Variants in PRELID2 observed in about 807,000 individuals in gnomAD.
PRELID2 encodes PRELI domain containing 2, also known as PRELI domain-containing protein 2.
Under a neutral mutation model 28.4 loss-of-function variants are expected in PRELID2, and 25 were observed. That is an observed-to-expected ratio of 0.88 (90% CI 0.64 to 1.23). The LOEUF is 1.23. Ranked by LOEUF, PRELID2 falls within the 50% of genes most tolerant of loss-of-function variation. The probability of loss-of-function intolerance (pLI) is 0.00; values close to 1 mark genes in which losing one functional copy is unlikely to be tolerated. For synonymous variants in PRELID2, 76 were observed against 71.6 expected (o/e 1.06, Z -0.31); for missense variants, 201 against 214.4 (o/e 0.94, Z 0.39).
chr5:145,421,902 G>C, the PRELID2 span, among the ~76,000 whole-genome samples: 6 of 151,426 alleles, frequency 4.0e-5, no homozygotes, highest in Admixed American at 2.6e-4. Flanking sequence ...ACACTGCTTT[G>C]AATGCGTCCC....
chr5:145,591,103 C>T (rs745793751), intron 1 of PRELID2, among the ~76,000 whole-genome samples: 19 of 151,890 alleles, frequency 1.3e-4, no homozygotes, highest in Non-Finnish European at 2.6e-4. Context: ...CAAGAACAGC[C>T]TTTGCAACAT....
chr5:145,815,944 T>C lies in PRELID2; in HGVS notation c.368+1950A>G, dbSNP rs556543492. On this transcript the variant is annotated intron_variant, in intron 4 of 6. Transcript: ENST00000683046. ...GTGAAATTGCTGGGTCAAGTGGTAA[T>C]TCTACGTTTAACTTTTTGAGGATCT... 5.3e-5 allele frequency among the ~76,000 whole-genome samples: 8 copies of C among 152,266 alleles called. No individual in the cohort carries two copies. The South Asian group carries it at 1.7e-3, about 32-fold the overall frequency.
At chr5:145,233,989 G>C in the PRELID2 span, among the ~76,000 whole-genome samples, 1 of 152,094 alleles carries the variant, frequency 6.6e-6, no homozygotes, top group Non-Finnish European at 1.5e-5. Flanking sequence ...TTACGTTTAT[G>C]CTACTTTTCT....
intron 1 of PRELID2, among the ~76,000 whole-genome samples, chr5:145,642,670 T>C (rs927867562): frequency 6.6e-6 from 1 of 152,230 alleles, no homozygotes; most frequent in Admixed American, 6.5e-5. Flanking sequence ...AAGTCTTTAA[T>C]CCATCTTGAG....
At chr5:145,696,946 G>C (rs897150109) in intron 1 of PRELID2, among the ~76,000 whole-genome samples, 1 of 149,310 alleles carries the variant, frequency 6.7e-6, no homozygotes, top group Non-Finnish European at 1.5e-5. Context: ...AAGAAGCCAA[G>C]ACAGGAAGAA....
At position 145,730,346 on chromosome 5, in the gene PRELID2, T is replaced by A. The variant is rs144968912; in HGVS notation, n.70+34585A>T. Among the ~76,000 whole-genome samples the A allele has an allele frequency of 2.6e-5, 4 of 152,290 alleles. No individual in the cohort carries two copies. The East Asian group carries it at 7.7e-4, about 29-fold the overall frequency. On this transcript the variant is annotated intron_variant and non_coding_transcript_variant, in intron 1 of 2. Coordinates refer to the PRELID2 transcript ENST00000510259. ...AAAGAAGAGAAGAGAAGTGTAATTC[T>A]ACCCCATGCCCGTAATGTAGAAAGC...
the PRELID2 span, among the ~76,000 whole-genome samples, chr5:145,328,278 A>G: frequency 2.0e-5 from 3 of 152,216 alleles, no homozygotes; most frequent in African/African-American, 7.2e-5. Context: ...GGAATGATTT[A>G]TAATCCTTTT....
At chr5:145,752,202 C>CA (rs1305577152), downstream of PRELID2, among the ~76,000 whole-genome samples, 1 of 152,008 alleles carries the variant, frequency 6.6e-6, no homozygotes, top group Non-Finnish European at 1.5e-5. Context: ...TAATAAGGCT[C>CA]AAAAAAACAT....
chr5:145,303,233 G>A, the PRELID2 span, among the ~76,000 whole-genome samples: 2 of 152,158 alleles, frequency 1.3e-5, no homozygotes, highest in East Asian at 1.9e-4. Context: ...TAGAGATAGC[G>A]CTGGAAGCTT....
intron 1 of PRELID2, among the ~76,000 whole-genome samples, chr5:145,481,623 C>CAAAAAAAAAAAAAAAAAAAAAAAAAAAAA (rs70998021): frequency 2.6e-4 from 11 of 41,858 alleles, no homozygotes; most frequent in South Asian, 1.4e-3. Context: ...GCAAGGAAAT[C>CAAAAAAAAAAAAAAAAAAAAAAAAAAAAA]AAAAAAAAAA....
intron 5 of PRELID2, among the ~76,000 whole-genome samples, chr5:145,785,577 C>T (rs1484067069): frequency 4.6e-5 from 7 of 152,186 alleles, no homozygotes; most frequent in Admixed American, 2.6e-4. Context: ...TCAGCAACCT[C>T]GCTCTCCAGA....
the PRELID2 span, among the ~76,000 whole-genome samples, chr5:145,397,299 A>G: frequency 6.6e-6 from 1 of 152,174 alleles, no homozygotes; most frequent in African/African-American, 2.4e-5. Context: ...CTCTGAAAAT[A>G]AAAATCTGAG....
chr5:145,659,108 T>C (rs1157442238), intron 1 of PRELID2, among the ~76,000 whole-genome samples: 1 of 152,156 alleles, frequency 6.6e-6, no homozygotes, highest in African/African-American at 2.4e-5. Flanking sequence ...AAGGGTCGGA[T>C]CACACGCAAA....
At chr5:145,329,993 G>C in the PRELID2 span, among the ~76,000 whole-genome samples, 3 of 152,110 alleles carry the variant, frequency 2.0e-5, no homozygotes, top group Admixed American at 2.0e-4. Flanking sequence ...AAGGGGTGTT[G>C]AATTTTATCG....
intron 1 of PRELID2, among the ~76,000 whole-genome samples, chr5:145,694,496 A>G (rs1021691059): frequency 5.9e-5 from 9 of 152,348 alleles, no homozygotes; most frequent in African/African-American, 2.2e-4. Flanking sequence ...AAGATGTATA[A>G]TGTATTACAA....
chr5:145,474,206 C>A (rs369039913), intron 1 of PRELID2, among the ~76,000 whole-genome samples: 3 of 152,128 alleles, frequency 2.0e-5, no homozygotes, highest in African/African-American at 7.2e-5. Context: ...ATCAGAGGAT[C>A]CAGAAAGAAC....
At chr5:145,546,465 C>A (rs1239816886) in intron 1 of PRELID2, among the ~76,000 whole-genome samples, 1 of 152,092 alleles carries the variant, frequency 6.6e-6, no homozygotes, top group Non-Finnish European at 1.5e-5. Context: ...CCAAGATGTA[C>A]ACTTGTAAAA....
chr5:145,646,821 C>A (rs1045448315), intron 1 of PRELID2, among the ~76,000 whole-genome samples: 1 of 152,192 alleles, frequency 6.6e-6, no homozygotes, highest in Non-Finnish European at 1.5e-5. Flanking sequence ...ACTCCAGACC[C>A]TGTTTGCCTG....
At chr5:145,537,890 T>G (rs952108824) in intron 1 of PRELID2, among the ~76,000 whole-genome samples, 2 of 151,850 alleles carry the variant, frequency 1.3e-5, no homozygotes, top group Non-Finnish European at 1.5e-5. Flanking sequence ...GTTTTTGAAG[T>G]CTTATTTTTA....
Sources: gnomAD v4.1 joint callset for allele counts (sites outside exome capture counted in the v4.1 genomes callset) on GRCh38, gnomAD v4.1.1 for gene constraint, MANE v1.5 for transcripts, NCBI Gene and HGNC (gene_info 2026-07-23, HGNC 2026-07-21) for gene names.